XPO4: variants seen among roughly 807,000 people sequenced by gnomAD.
XPO4 encodes the protein exportin-4.
In XPO4, 39 loss-of-function variants were observed where a neutral mutation model predicts 143.0. That is an observed-to-expected ratio of 0.27 (90% confidence interval 0.21 to 0.36). The LOEUF (loss-of-function observed/expected upper bound fraction) is 0.36, where lower values mean the gene tolerates loss of function less well. XPO4 is among the 10% of genes least tolerant of loss of function. The pLI is 1.00. For missense variants in XPO4, 907 were observed against 1,348.0 expected (o/e 0.67, Z 5.12); for synonymous variants, 439 against 474.0 (o/e 0.93, Z 0.96).
intron 1 of XPO4, among the ~76,000 whole-genome samples, chr13:20,889,268 T>C (rs889252016): frequency 6.6e-6 from 1 of 152,200 alleles, no homozygotes; most frequent in Non-Finnish European, 1.5e-5. Flanking sequence ...AAAACACAAA[T>C]ACAGAATATT....
chr13:20,808,541 G>T lies in XPO4; in HGVS notation c.1534C>A (p.Gln512Lys), dbSNP rs1186399139. 1.0e-5 allele frequency: 16 copies of T among 1,563,246 alleles called. No individual in the cohort carries two copies. Among genetic ancestry groups the T allele is most frequent in the Non-Finnish European group, 1.4e-5 (16 of 1,144,000 alleles). ...ERVTRLHGQL[Q>K]RHQQQLLASP... Reference sequence around the variant, plus strand: ...GCAAGTAACTGTTGCTGATGTCGTTGTAACTGACCATGGAGTCTTGTTACT... The same window carrying T: ...GCAAGTAACTGTTGCTGATGTCGTTTTAACTGACCATGGAGTCTTGTTACT... Residue 512 changes from glutamine to lysine, a missense_variant, in exon 12 of 23, where the codon CAA becomes AAA. Physicochemically the swap from Gln to Lys is moderately conservative, Grantham distance 53. Coordinates refer to ENST00000255305, the MANE Select transcript of XPO4 (RefSeq NM_022459.5).
Position 20,859,386 on chromosome 13 carries a change from G to A in XPO4, c.317+3331C>T, listed in dbSNP as rs1380748065. 2.6e-5 allele frequency among the ~76,000 whole-genome samples: 4 copies of A among 152,260 alleles called. No individual in the cohort carries two copies. In the East Asian group the frequency reaches 7.7e-4, roughly 29 times the overall value. ...TAGGCTGAAGCAGGCGGATCACGAG[G>A]TCAGGAAATGGAGACCATCCTGGCT... On this transcript the variant is annotated intron_variant, in intron 3 of 22. Transcript: ENST00000255305.
chr13:20,842,569 G>A (rs1311705287), intron 6 of XPO4, among the ~76,000 whole-genome samples: 1 of 152,080 alleles, frequency 6.6e-6, no homozygotes, highest in Non-Finnish European at 1.5e-5. Flanking sequence ...AAATGATTCG[G>A]TTTCTTAAAA....
At chr13:20,795,008 A>T (rs71198999) in intron 18 of XPO4, among the ~76,000 whole-genome samples, 5,497 of 55,930 alleles carry the variant, frequency 0.098, 219 homozygotes, top group African/African-American at 0.17. Flanking sequence ...CCAAGAATTT[A>T]AAAAAAAAAA....
intron 1 of XPO4, among the ~76,000 whole-genome samples, chr13:20,888,685 A>C (rs2060483156): frequency 6.6e-6 from 1 of 151,976 alleles, no homozygotes; most frequent in Non-Finnish European, 1.5e-5. Context: ...GGTTTCATTG[A>C]ATACTGTTGA....
intron 9 of XPO4, among the ~76,000 whole-genome samples, chr13:20,813,824 G>C (rs1428447595): frequency 6.6e-6 from 1 of 152,090 alleles, no homozygotes; most frequent in East Asian, 1.9e-4. Context: ...CAGGCGTGGT[G>C]GAACATGCCT....
intron 4 of XPO4, among the ~76,000 whole-genome samples, chr13:20,845,550 C>T (rs2060021761): frequency 6.6e-6 from 1 of 152,126 alleles, no homozygotes; most frequent in Non-Finnish European, 1.5e-5. Context: ...GGCACTAAGG[C>T]CTCTCACAGA....
At chr13:20,846,668 T>C (rs1245706312) in intron 4 of XPO4, among the ~76,000 whole-genome samples, 1 of 152,194 alleles carries the variant, frequency 6.6e-6, no homozygotes, top group Non-Finnish European at 1.5e-5. Flanking sequence ...TTAGAAAAAC[T>C]AGAAATCGTA....
chr13:20,865,546 A>C, intron 2 of XPO4: 1 of 976,272 alleles, frequency 1.0e-6, no homozygotes, highest in Non-Finnish European at 1.2e-6. Flanking sequence ...ATCTGCTACC[A>C]CAGTAACTTT....
At chr13:20,825,440 A>C (rs1013705074) in intron 7 of XPO4, among the ~76,000 whole-genome samples, 33 of 152,346 alleles carry the variant, frequency 2.2e-4, no homozygotes, top group Admixed American at 1.8e-3. Flanking sequence ...AACAAGTAAC[A>C]AACTTGTTCA....
chr13:20,894,296 TA>T, intron 1 of XPO4, among the ~76,000 whole-genome samples: 1 of 152,342 alleles, frequency 6.6e-6, no homozygotes, highest in Non-Finnish European at 1.5e-5. Context: ...TTTTTCAGAA[TA>T]AAGTTTATTA....
Position 20,796,214 on chromosome 13 carries a change from G to A in XPO4, c.2659C>T (p.Gln887Ter). Reference sequence around the variant, plus strand: ...CCTAAATTATTCTTAGAATACACTTGCAACAAAGTAAGGCAGGCTTCATAT... The same window carrying A: ...CCTAAATTATTCTTAGAATACACTTACAACAAAGTAAGGCAGGCTTCATAT... ...NLYEACLTLL[Q>*]VYSKNNLGRQ... Residue 887 changes from glutamine to a stop codon, truncating the protein, a stop_gained, in exon 18 of 23, where the codon CAA (glutamine) becomes TAA (stop). Transcript: ENST00000255305. LOFTEE classifies it high-confidence loss of function. 1 of 1,610,624 alleles carries A rather than the reference G, an allele frequency of 6.2e-7. No homozygotes were observed. Among genetic ancestry groups the A allele is most frequent in the Non-Finnish European group, 8.5e-7 (1 of 1,179,238 alleles).
intron 9 of XPO4, among the ~76,000 whole-genome samples, chr13:20,818,602 C>A (rs2059680109): frequency 6.6e-6 from 1 of 152,016 alleles, no homozygotes; most frequent in South Asian, 2.1e-4. Context: ...CAATATTTCA[C>A]AAAATTACAA....
At chr13:20,875,179 C>A (rs991823608) in intron 1 of XPO4, among the ~76,000 whole-genome samples, 3 of 152,136 alleles carry the variant, frequency 2.0e-5, no homozygotes, top group African/African-American at 7.2e-5. Context: ...TAAAAATTTG[C>A]TCAACTTTCA....
At chr13:20,878,792 T>A (rs547215112) in intron 1 of XPO4, among the ~76,000 whole-genome samples, 1 of 152,266 alleles carries the variant, frequency 6.6e-6, no homozygotes, top group South Asian at 2.1e-4. Flanking sequence ...TTTAAAAGAT[T>A]GTAGGCAAAA....
At chr13:20,797,504 T>A (rs930018542) in intron 16 of XPO4, among the ~76,000 whole-genome samples, 3 of 152,188 alleles carry the variant, frequency 2.0e-5, no homozygotes, top group Non-Finnish European at 4.4e-5. Flanking sequence ...CTTCAGATAA[T>A]CAGTCCTGCC....
intron 13 of XPO4, among the ~76,000 whole-genome samples, chr13:20,804,505 CTT>C (rs2059479138): frequency 6.6e-6 from 1 of 152,122 alleles, no homozygotes; most frequent in Non-Finnish European, 1.5e-5. Context: ...CTAAAGTACT[CTT>C]GTTTCAAGAA....
At chr13:20,826,685 A>ATGTTAATATGTAATCGTTTCTTAC (rs1465353648) in intron 7 of XPO4, among the ~76,000 whole-genome samples, 1 of 152,242 alleles carries the variant, frequency 6.6e-6, no homozygotes, top group Non-Finnish European at 1.5e-5. Flanking sequence ...AATGTTACTT[A>ATGTTAATATGTAATCGTTTCTTAC]TGTTAATATG....
At position 20,902,712 on chromosome 13, in the gene XPO4, TG is replaced by T; in HGVS notation, c.26del (p.Pro9GlnfsTer3). 1 of 1,566,534 alleles carries T rather than the reference TG, an allele frequency of 6.4e-7. No individual in the cohort carries two copies. The highest frequency in any genetic ancestry group is 8.7e-7 in the Non-Finnish European group (1 of 1,155,818). On this transcript the variant is annotated frameshift_variant, in exon 1 of 23. Coordinates refer to ENST00000255305, the MANE Select transcript of XPO4 (RefSeq NM_022459.5). LOFTEE classifies it high-confidence loss of function. The stretch of plus-strand genomic sequence containing the variant: ...CGTTCTCCAGCTGAGCGATCACTTC[TG>T]GGGGCCCCAGCGCCGCCGCCATCAT... MMAAALGP[P>X]EVIAQLENAA... is the part of the protein sequence containing the mutation.
Sources: gnomAD v4.1 joint callset for allele counts (sites outside exome capture counted in the v4.1 genomes callset) on GRCh38, gnomAD v4.1.1 for gene constraint, MANE v1.5 for transcripts, NCBI Gene and HGNC (gene_info 2026-07-23, HGNC 2026-07-21) for gene names.